Variants in CNTNAP5 observed in about 807,000 individuals in gnomAD.
The protein encoded by CNTNAP5 is contactin-associated protein-like 5.
In CNTNAP5, 72 loss-of-function variants were observed where a neutral mutation model predicts 150.2. The ratio of observed to expected loss-of-function variants is 0.48; its 90% CI spans 0.40 to 0.58. The LOEUF (loss-of-function observed/expected upper bound fraction) is 0.58. Among genes scored for constraint, CNTNAP5 ranks in the 20% least tolerant of loss-of-function variants. The probability of loss-of-function intolerance (pLI) is 0.00; values close to 1 mark genes in which losing one functional copy is unlikely to be tolerated. For missense variants in CNTNAP5, 1,636 were observed against 1,626.2 expected (o/e 1.01, Z -0.10); for synonymous variants, 672 against 619.8 (o/e 1.08, Z -1.25).
At chr2:124,573,695 A>G (rs1233236541) in intron 11 of CNTNAP5, among the ~76,000 whole-genome samples, 1 of 152,232 alleles carries the variant, frequency 6.6e-6, no homozygotes, top group Non-Finnish European at 1.5e-5. Context: ...TCCCATGAGT[A>G]AGAAGTTATC....
At chr2:124,740,413 G>A (rs1402432863) in intron 13 of CNTNAP5, among the ~76,000 whole-genome samples, 2 of 152,154 alleles carry the variant, frequency 1.3e-5, no homozygotes, top group Non-Finnish European at 2.9e-5. Context: ...TGCAGTGACA[G>A]CCAAGCACCG....
At chr2:124,659,645 A>C (rs1678542809) in intron 13 of CNTNAP5, among the ~76,000 whole-genome samples, 1 of 152,150 alleles carries the variant, frequency 6.6e-6, no homozygotes, top group Non-Finnish European at 1.5e-5. Flanking sequence ...AAAATAGTTA[A>C]CATGTTGACC....
At chr2:124,529,054 C>CTT (rs199663968) in intron 10 of CNTNAP5, among the ~76,000 whole-genome samples, 3 of 147,424 alleles carry the variant, frequency 2.0e-5, no homozygotes, top group Non-Finnish European at 3.0e-5. Context: ...GGCTCTTCTG[C>CTT]TTTGTTTTTT....
At chr2:124,487,411 G>A (rs1026105811) in intron 7 of CNTNAP5, among the ~76,000 whole-genome samples, 1 of 152,084 alleles carries the variant, frequency 6.6e-6, no homozygotes. Flanking sequence ...CAGAAATTTC[G>A]TATCCAAACA....
intron 3 of CNTNAP5, among the ~76,000 whole-genome samples, chr2:124,308,295 C>T (rs2553635): frequency 0.024 from 3,635 of 151,614 alleles, 146 homozygotes; most frequent in African/African-American, 0.081. Context: ...ATTCACACCC[C>T]AACTCTGCTT....
Position 124,739,002 on chromosome 2 carries a change from C to T in CNTNAP5, c.2078-8227C>T, listed in dbSNP as rs78241526. Among the ~76,000 whole-genome samples the T allele has an allele frequency of 3.0e-3, 455 of 152,290 alleles. 3 individuals carry two copies. The highest frequency in any genetic ancestry group is 0.01 in the African/African-American group (428 of 41,566). On this transcript the variant is annotated intron_variant, in intron 13 of 23. Transcript: ENST00000682447. ...CCCAAAGAATCATTTAAGTTAATCA[C>T]GTTGTCCATCTCTTTGTCTAACCAT...
intron 1 of CNTNAP5, among the ~76,000 whole-genome samples, chr2:124,037,696 G>A (rs188197822): frequency 2.0e-5 from 3 of 152,130 alleles, no homozygotes; most frequent in Admixed American, 2.0e-4. Flanking sequence ...GGGAGGGATG[G>A]GAGATGTTGG....
chr2:124,115,197 A>C (rs1197584544), intron 1 of CNTNAP5, among the ~76,000 whole-genome samples: 1 of 152,204 alleles, frequency 6.6e-6, no homozygotes, highest in South Asian at 2.1e-4. Context: ...AAAATCATAG[A>C]TGTACAATTC....
chr2:124,252,517 A>G (rs989507750), intron 3 of CNTNAP5, among the ~76,000 whole-genome samples: 8 of 152,126 alleles, frequency 5.3e-5, no homozygotes, highest in African/African-American at 1.9e-4. Context: ...GGCAGCTCAA[A>G]AAGCCCTTGA....
chr2:124,154,690 GC>G (rs1684482886), intron 1 of CNTNAP5, among the ~76,000 whole-genome samples: 1 of 152,116 alleles, frequency 6.6e-6, no homozygotes, highest in Non-Finnish European at 1.5e-5. Flanking sequence ...CCAGCTCAGA[GC>G]AGATCAGGCC....
rs918434328 is a variant in CNTNAP5 at position 124,561,552 on chromosome 2, T to A, written c.1650-1665T>A. ...CTTTTTTGTTTGTTTGTTTGTTTGG[T>A]TGTTTTGTGTGAATACATCCCGTAA... On this transcript the variant is annotated intron_variant, in intron 10 of 23. Transcript: ENST00000682447. Among the ~76,000 whole-genome samples, 4 of 152,318 alleles carry A rather than the reference T, an allele frequency of 2.6e-5. No homozygotes were observed. The East Asian group carries it at 7.7e-4, about 29-fold the overall frequency.
chr2:124,720,602 A>G (rs1414835608), intron 13 of CNTNAP5, among the ~76,000 whole-genome samples: 1 of 152,180 alleles, frequency 6.6e-6, no homozygotes, highest in African/African-American at 2.4e-5. Flanking sequence ...GTTAAAAGCT[A>G]TTTTAGTAGA....
At chr2:124,410,149 T>C (rs1371355104) in intron 3 of CNTNAP5, among the ~76,000 whole-genome samples, 1 of 151,844 alleles carries the variant, frequency 6.6e-6, no homozygotes, top group Non-Finnish European at 1.5e-5. Flanking sequence ...TACATAATGG[T>C]AAAGGGATCA....
chr2:124,443,113 A>G (rs1411528685), intron 5 of CNTNAP5, among the ~76,000 whole-genome samples: 1 of 152,054 alleles, frequency 6.6e-6, no homozygotes, highest in African/African-American at 2.4e-5. Context: ...AAGCGAGATA[A>G]TATCCACATA....
chr2:124,821,339 T>G (rs1682487400), intron 19 of CNTNAP5, among the ~76,000 whole-genome samples: 2 of 152,286 alleles, frequency 1.3e-5, no homozygotes, highest in South Asian at 4.1e-4. Flanking sequence ...CTACTTGCAT[T>G]TTCTTTTACA....
intron 3 of CNTNAP5, among the ~76,000 whole-genome samples, chr2:124,273,695 G>T (rs1170873498): frequency 6.6e-6 from 1 of 152,174 alleles, no homozygotes; most frequent in Non-Finnish European, 1.5e-5. Context: ...TTGGAGCATG[G>T]TATTGTGGTC....
At chr2:124,760,610 G>A (rs193183176) in intron 14 of CNTNAP5, among the ~76,000 whole-genome samples, 4 of 151,976 alleles carry the variant, frequency 2.6e-5, no homozygotes, top group Non-Finnish European at 4.4e-5. Flanking sequence ...TATTATTTTT[G>A]GTCATACTAA....
chr2:124,123,416 T>A (rs1007325309), intron 1 of CNTNAP5, among the ~76,000 whole-genome samples: 2 of 152,140 alleles, frequency 1.3e-5, no homozygotes, highest in Admixed American at 1.3e-4. Flanking sequence ...AAGCTTGAAC[T>A]GGGTGGAGTC....
intron 3 of CNTNAP5, among the ~76,000 whole-genome samples, chr2:124,374,868 G>A (rs575064395): frequency 6.6e-6 from 1 of 152,020 alleles, no homozygotes. Flanking sequence ...CTGAAGAAAG[G>A]TTGAAGGCCT....
Sources: allele counts gnomAD v4.1 joint callset (sites outside exome capture counted in the v4.1 genomes callset), GRCh38; gene constraint gnomAD v4.1.1; transcripts MANE v1.5; gene names NCBI Gene and HGNC (gene_info 2026-07-23, HGNC 2026-07-21).